The following ZCCHC17 variants were observed in gnomAD, a reference collection of about 807,000 sequenced individuals.
ZCCHC17 encodes zinc finger CCHC-type containing 17, also known as zinc finger CCHC domain-containing protein 17.
ZCCHC17 carries 18 observed loss-of-function variants against 30.6 expected under a neutral mutation model. The ratio of observed to expected loss-of-function variants is 0.59; its 90% CI spans 0.41 to 0.87. ZCCHC17 has a LOEUF of 0.87. ZCCHC17 is among the 40% of genes least tolerant of loss of function. The probability of loss-of-function intolerance (pLI) is 0.00; values close to 1 mark genes in which losing one functional copy is unlikely to be tolerated. For synonymous variants in ZCCHC17, 88 were observed against 92.4 expected (o/e 0.95, Z 0.27); for missense variants, 263 against 284.2 (o/e 0.93, Z 0.54).
chr1:31,318,540 A>G (rs1226006180), intron 2 of ZCCHC17, among the ~76,000 whole-genome samples: 3 of 152,238 alleles, frequency 2.0e-5, no homozygotes, highest in Middle Eastern at 3.4e-3. Flanking sequence ...TCAGATGTGT[A>G]TGTATTGGCT....
rs779529733 is a variant in ZCCHC17 at position 31,310,320 on chromosome 1, T to G, written c.66+156T>G. Among the ~76,000 whole-genome samples, 49 of 152,376 alleles carry G rather than the reference T, an allele frequency of 3.2e-4. 1 individual carries two copies. Among genetic ancestry groups the G allele is most frequent in the Admixed American group, 1.8e-3 (27 of 15,308 alleles). Reference sequence around the variant, plus strand: ...ACATCTGGCAATCACATGTGCCTTCTCTAAGCTCCAGATATTTAAGTGCGT... The same window carrying G: ...ACATCTGGCAATCACATGTGCCTTCGCTAAGCTCCAGATATTTAAGTGCGT... On this transcript the variant is annotated intron_variant, in intron 2 of 7. Transcript: ENST00000344147.
Position 31,303,119 on chromosome 1 carries a change from CT to C in ZCCHC17, c.-56+6045del, listed in dbSNP as rs749151221. Among the ~76,000 whole-genome samples the C allele has an allele frequency of 9.1e-3, 1,327 of 145,232 alleles. 11 individuals carry two copies. Among genetic ancestry groups the C allele is most frequent in the Non-Finnish European group, 0.012 (817 of 67,714 alleles). On this transcript the variant is annotated intron_variant, in intron 1 of 7. Coordinates refer to ENST00000344147, the MANE Select transcript of ZCCHC17 (RefSeq NM_016505.4). ...TAATGAAATCCAGTCTCTACCCCCCCTCAAAAAAAAAAAAAATTAGCCAAGC... is the reference window on the plus strand; with the variant it reads ...TAATGAAATCCAGTCTCTACCCCCCCCAAAAAAAAAAAAAATTAGCCAAGC...
intron 3 of ZCCHC17, among the ~76,000 whole-genome samples, chr1:31,336,788 C>A (rs1638834493): frequency 6.6e-6 from 1 of 151,772 alleles, no homozygotes; most frequent in African/African-American, 2.4e-5. Flanking sequence ...TCTCAGCCTC[C>A]TAAGTAGCTA....
intron 2 of ZCCHC17, among the ~76,000 whole-genome samples, chr1:31,315,006 A>G (rs1165127785): frequency 6.6e-6 from 1 of 152,188 alleles, no homozygotes; most frequent in African/African-American, 2.4e-5. Flanking sequence ...TAGGAGGAAT[A>G]TAGATAAATT....
chr1:31,329,760 G>T (rs1205963603), intron 3 of ZCCHC17, among the ~76,000 whole-genome samples: 1 of 152,168 alleles, frequency 6.6e-6, no homozygotes, highest in Non-Finnish European at 1.5e-5. Context: ...ATGAATTATA[G>T]CCTCAGTTCT....
At chr1:31,315,517 C>T (rs1646712056) in intron 2 of ZCCHC17, among the ~76,000 whole-genome samples, 1 of 151,942 alleles carries the variant, frequency 6.6e-6, no homozygotes, top group South Asian at 2.1e-4. Flanking sequence ...TTGCCATAGC[C>T]CAAGAAATGC....
rs80071866 is a variant in ZCCHC17, at chr1:31,307,332, G to A, written c.-55-2712G>A. Among the ~76,000 whole-genome samples the A allele has an allele frequency of 7.9e-5, 12 of 152,160 alleles. No individual in the cohort carries two copies. In the East Asian group the frequency reaches 2.3e-3, roughly 29 times the overall value. ...CTGTTCTACAAGAGGTATAAATCTG[G>A]GAGCATTAAACCTAGCTTTTTGTAT... On this transcript the variant is annotated intron_variant, in intron 1 of 7. Coordinates refer to ENST00000344147, the MANE Select transcript of ZCCHC17 (RefSeq NM_016505.4).
At chr1:31,360,405 G>A (rs76952508) in intron 7 of ZCCHC17, among the ~76,000 whole-genome samples, 1 of 152,210 alleles carries the variant, frequency 6.6e-6, no homozygotes, top group African/African-American at 2.4e-5. Context: ...CTGACCTCAG[G>A]TGATCCACCC....
intron 3 of ZCCHC17, among the ~76,000 whole-genome samples, chr1:31,335,582 T>G (rs1381397858): frequency 2.0e-5 from 3 of 152,270 alleles, no homozygotes; most frequent in Admixed American, 2.0e-4. Context: ...CTCACTGTAT[T>G]GCCCAGGCTA....
chr1:31,354,636 A>C lies in ZCCHC17; in HGVS notation c.564+5662A>C, dbSNP rs1171332979. On this transcript the variant is annotated intron_variant, in intron 7 of 7. Transcript: ENST00000344147. ...GTATATGGATATCTCACTTCTGTGG[A>C]TCTTTGGTTGAGTTCTTTTTGCTGA... 2.0e-5 allele frequency among the ~76,000 whole-genome samples: 3 copies of C among 152,076 alleles called. No individual in the cohort carries two copies. In the East Asian group the frequency reaches 5.8e-4, roughly 29 times the overall value.
Position 31,298,668 on chromosome 1 carries a change from A to C in ZCCHC17, c.-56+1593A>C, listed in dbSNP as rs117210969. On this transcript the variant is annotated intron_variant, in intron 1 of 7. Coordinates refer to ENST00000344147, the MANE Select transcript of ZCCHC17 (RefSeq NM_016505.4). ...CCAAAATTCTGGGATTACAGGCCTGAGCCACTGCTCCCAGCTGAGATCAGT... is the reference window on the plus strand; with the variant it reads ...CCAAAATTCTGGGATTACAGGCCTGCGCCACTGCTCCCAGCTGAGATCAGT... 6.5e-3 allele frequency among the ~76,000 whole-genome samples: 990 copies of C among 152,336 alleles called. 24 individuals are homozygous for C. The East Asian group carries it at 0.076, about 12-fold the overall frequency.
intron 3 of ZCCHC17, among the ~76,000 whole-genome samples, chr1:31,333,333 C>T (rs1315533058): frequency 2.6e-5 from 4 of 152,042 alleles, no homozygotes; most frequent in African/African-American, 9.7e-5. Context: ...ACCAGCCTGG[C>T]CAACATAGTG....
At chr1:31,316,922 A>G (rs929691287) in intron 2 of ZCCHC17, among the ~76,000 whole-genome samples, 5 of 151,892 alleles carry the variant, frequency 3.3e-5, no homozygotes, top group Non-Finnish European at 7.4e-5. Flanking sequence ...GTTTTTATCT[A>G]TTTCCATCCT....
chr1:31,343,903 T>C (rs1260964465), intron 5 of ZCCHC17, among the ~76,000 whole-genome samples: 2 of 142,596 alleles, frequency 1.4e-5, no homozygotes, highest in African/African-American at 5.4e-5. Context: ...TTGCCCAGGC[T>C]GGAGGCAGTG....
At chr1:31,322,337 C>CT (rs938396726) in intron 3 of ZCCHC17, among the ~76,000 whole-genome samples, 1 of 152,324 alleles carries the variant, frequency 6.6e-6, no homozygotes, top group African/African-American at 2.4e-5. Flanking sequence ...ATTACCTACA[C>CT]TTTTGTCTCA....
intron 5 of ZCCHC17, among the ~76,000 whole-genome samples, chr1:31,339,737 T>A (rs1365603428): frequency 6.6e-6 from 1 of 152,138 alleles, no homozygotes; most frequent in African/African-American, 2.4e-5. Context: ...TGGGGTTACG[T>A]GGGTCTCTTC....
intron 5 of ZCCHC17, among the ~76,000 whole-genome samples, chr1:31,345,178 A>G (rs1639197814): frequency 6.6e-6 from 1 of 151,566 alleles, no homozygotes; most frequent in South Asian, 2.1e-4. Context: ...TTGTTTTGAG[A>G]CAGAGTCTCG....
At chr1:31,354,785 G>C (rs1398069626) in intron 7 of ZCCHC17, among the ~76,000 whole-genome samples, 3 of 152,180 alleles carry the variant, frequency 2.0e-5, no homozygotes, top group Non-Finnish European at 4.4e-5. Flanking sequence ...GACCTGCTTA[G>C]TCAACCTACT....
intron 7 of ZCCHC17, among the ~76,000 whole-genome samples, chr1:31,358,373 G>C (rs903466059): frequency 1.3e-5 from 2 of 152,202 alleles, no homozygotes; most frequent in African/African-American, 4.8e-5. Context: ...GACATGATCT[G>C]ACTTCCTTTT....
Sources: gnomAD v4.1 joint callset for allele counts (sites outside exome capture counted in the v4.1 genomes callset) on GRCh38, gnomAD v4.1.1 for gene constraint, MANE v1.5 for transcripts, NCBI Gene and HGNC (gene_info 2026-07-23, HGNC 2026-07-21) for gene names.